LIN52: variants seen among roughly 807,000 people sequenced by gnomAD.
LIN52 encodes lin-52 DREAM MuvB core complex component, also known as protein lin-52 homolog.
Under a neutral mutation model 18.5 loss-of-function variants are expected in LIN52, and 4 were observed. The observed-to-expected ratio is 0.22, with a 90% CI of 0.11 to 0.49. The LOEUF (loss-of-function observed/expected upper bound fraction) is 0.49. Among genes scored for constraint, LIN52 ranks in the 20% least tolerant of loss-of-function variants. The pLI, the probability that LIN52 is intolerant of heterozygous loss-of-function variation, is 0.97. For synonymous variants in LIN52, 34 were observed against 45.5 expected (o/e 0.75, Z 1.02); for missense variants, 102 against 139.5 (o/e 0.73, Z 1.35).
chr14:74,170,272 A>G (rs555030997), intron 5 of LIN52, among the ~76,000 whole-genome samples: 1 of 152,352 alleles, frequency 6.6e-6, no homozygotes, highest in African/African-American at 2.4e-5. Context: ...CTTAGTAAAT[A>G]TCCAGTGAAT....
chr14:74,158,370 C>A (rs1343987749), intron 5 of LIN52, among the ~76,000 whole-genome samples: 1 of 152,196 alleles, frequency 6.6e-6, no homozygotes, highest in Non-Finnish European at 1.5e-5. Context: ...GCCTCAGCCT[C>A]CCAAAGTGCT....
At chr14:74,175,711 T>TATACACAC (rs1453723222) in intron 5 of LIN52, among the ~76,000 whole-genome samples, 1 of 86,326 alleles carries the variant, frequency 1.2e-5, no homozygotes, top group East Asian at 9.2e-4. Context: ...CACAGACACA[T>TATACACAC]ACACACACAC....
intron 1 of LIN52, chr14:74,085,580 T>G (rs1440084871): frequency 6.6e-6 from 1 of 152,226 alleles, no homozygotes; most frequent in African/African-American, 2.4e-5. Context: ...AGTATTGAGC[T>G]TTTAAGTGTC....
intron 5 of LIN52, among the ~76,000 whole-genome samples, chr14:74,162,033 T>C (rs558347881): frequency 1.2e-3 from 183 of 152,272 alleles, no homozygotes; most frequent in African/African-American, 4.1e-3. Context: ...AGACAGTAAA[T>C]GGATAACTGG....
intron 5 of LIN52, among the ~76,000 whole-genome samples, chr14:74,189,356 T>C (rs2061353901): frequency 6.6e-6 from 1 of 152,168 alleles, no homozygotes; most frequent in Non-Finnish European, 1.5e-5. Context: ...GCCCCCAGAG[T>C]ATTAATTCAT....
intron 5 of LIN52, among the ~76,000 whole-genome samples, chr14:74,141,922 C>T (rs1037687487): frequency 6.6e-6 from 1 of 152,106 alleles, no homozygotes; most frequent in African/African-American, 2.4e-5. Flanking sequence ...TTTGTCAGCA[C>T]GTGGAAATGA....
intron 5 of LIN52, among the ~76,000 whole-genome samples, chr14:74,184,813 T>G (rs2061334115): frequency 6.6e-6 from 1 of 152,214 alleles, no homozygotes; most frequent in Admixed American, 6.5e-5. Flanking sequence ...TTGTTGTATT[T>G]AGATCTATTA....
chr14:74,164,354 G>A (rs1313199574), intron 5 of LIN52, among the ~76,000 whole-genome samples: 1 of 149,628 alleles, frequency 6.7e-6, no homozygotes, highest in Non-Finnish European at 1.5e-5. Context: ...ACACGATCTC[G>A]GCTCACTGCA....
chr14:74,101,158 T>G lies in LIN52; in HGVS notation c.203T>G (p.Leu68Arg). Residue 68 changes from leucine to arginine, a missense_variant, in exon 5 of 6, where the codon CTG becomes CGG. Coordinates refer to ENST00000555028, the MANE Select transcript of LIN52 (RefSeq NM_001024674.3). ...GAAATAAATGATTCTGTTTCAGAAC[T>G]GGGGAGTCTCACCACGGCTAATTTG... ...ERDDIDMLKE[L>R]GSLTTANLME... The G allele has an allele frequency of 1.2e-6, 2 of 1,610,608 alleles. No homozygotes were observed. The highest frequency in any genetic ancestry group is 1.7e-6 in the Non-Finnish European group (2 of 1,178,510).
chr14:74,146,607 T>C (rs1230150333), intron 5 of LIN52, among the ~76,000 whole-genome samples: 2 of 152,206 alleles, frequency 1.3e-5, no homozygotes, highest in Non-Finnish European at 2.9e-5. Context: ...CAATTATAGA[T>C]TGATTGTTCA....
At chr14:74,187,752 T>C (rs1474408124) in intron 5 of LIN52, among the ~76,000 whole-genome samples, 1 of 152,182 alleles carries the variant, frequency 6.6e-6, no homozygotes, top group Non-Finnish European at 1.5e-5. Flanking sequence ...GCAAAAACAT[T>C]GTACAGGGTT....
chr14:74,111,414 G>C (rs4303422), intron 5 of LIN52, among the ~76,000 whole-genome samples: 16,861 of 151,024 alleles, frequency 0.11, 1,232 homozygotes, highest in Admixed American at 0.19. Context: ...CCAGCCTCTC[G>C]AGTAGCTGGA....
At chr14:74,183,144 C>G (rs1434368698) in intron 5 of LIN52, among the ~76,000 whole-genome samples, 1 of 150,058 alleles carries the variant, frequency 6.7e-6, no homozygotes, top group Non-Finnish European at 1.5e-5. Context: ...GTCGCCCAGG[C>G]TGGAGTGCAG....
chr14:74,089,518 C>T (rs1052602463), intron 1 of LIN52, among the ~76,000 whole-genome samples: 1 of 151,854 alleles, frequency 6.6e-6, no homozygotes, highest in Admixed American at 6.6e-5. Flanking sequence ...CAGGCTGACA[C>T]CACCACACCT....
intron 5 of LIN52, 62 bp from the exon 6 acceptor site, chr14:74,198,859 TC>T (rs1445662894): frequency 6.7e-6 from 8 of 1,188,676 alleles, no homozygotes; most frequent in African/African-American, 1.5e-5. Flanking sequence ...AATTAAATCT[TC>T]CTATGATTCT....
At chr14:74,098,898 T>G (rs564070176) in intron 4 of LIN52, among the ~76,000 whole-genome samples, 1 of 152,328 alleles carries the variant, frequency 6.6e-6, no homozygotes, top group East Asian at 1.9e-4. Context: ...CACAAGTGCC[T>G]TATTTAGAAT....
intron 5 of LIN52, among the ~76,000 whole-genome samples, chr14:74,170,161 G>A (rs566180551): frequency 6.6e-6 from 1 of 152,310 alleles, no homozygotes; most frequent in South Asian, 2.1e-4. Flanking sequence ...TGGAAGAAAA[G>A]CAAGAGACAA....
chr14:74,184,696 A>G (rs899941549), intron 5 of LIN52, among the ~76,000 whole-genome samples: 2 of 152,258 alleles, frequency 1.3e-5, no homozygotes, highest in East Asian at 3.8e-4. Flanking sequence ...TACAGTTCAA[A>G]GAAGAATGGC....
chr14:74,115,539 A>G (rs528455690), intron 5 of LIN52, among the ~76,000 whole-genome samples: 1 of 152,312 alleles, frequency 6.6e-6, no homozygotes, highest in East Asian at 1.9e-4. Flanking sequence ...TGTTTTATGC[A>G]TTACTTTACC....
Sources: allele counts gnomAD v4.1 joint callset (sites outside exome capture counted in the v4.1 genomes callset), GRCh38; gene constraint gnomAD v4.1.1; transcripts MANE v1.5; gene names NCBI Gene and HGNC (gene_info 2026-07-23, HGNC 2026-07-21).